CFAP91: variants seen among roughly 807,000 people sequenced by gnomAD.
The protein encoded by CFAP91 is cilia and flagella associated protein 91.
In CFAP91, 85 loss-of-function variants were observed where a neutral mutation model predicts 95.9. The observed-to-expected ratio is 0.89, with a 90% confidence interval of 0.74 to 1.06. The LOEUF is 1.06. Among genes scored for constraint, CFAP91 ranks in the 50% least tolerant of loss-of-function variants. CFAP91 has a pLI of 0.00. For missense variants in CFAP91, 962 were observed against 943.4 expected (o/e 1.02, Z -0.26); for synonymous variants, 335 against 327.5 (o/e 1.02, Z -0.25).
intron 16 of CFAP91, chr3:119,750,120 A>G (rs767585177): frequency 1.3e-5 from 2 of 152,176 alleles, no homozygotes; most frequent in Non-Finnish European, 1.5e-5. Flanking sequence ...GAATTACCCT[A>G]TCTAAACTAC....
chr3:119,733,330 C>G (rs1412428613), intron 9 of CFAP91, 34 bp from the exon 10 acceptor site: 1 of 1,609,792 alleles, frequency 6.2e-7, no homozygotes. Context: ...AACGTAAGCA[C>G]TGGATACTAA....
chr3:119,748,267 C>T (rs568977187), intron 16 of CFAP91, among the ~76,000 whole-genome samples: 5 of 152,238 alleles, frequency 3.3e-5, no homozygotes, highest in African/African-American at 4.8e-5. Flanking sequence ...AGGCAGGACA[C>T]GTGAACCGTG....
chr3:119,708,808 A>G, intron 4 of CFAP91, 134 bp downstream of exon 4: 1 of 572,454 alleles, frequency 1.7e-6, no homozygotes. Context: ...CATGCATATG[A>G]TCTAATCGTT....
chr3:119,753,612 T>C (rs2054368606), intron 17 of CFAP91, among the ~76,000 whole-genome samples: 1 of 152,216 alleles, frequency 6.6e-6, no homozygotes, highest in African/African-American at 2.4e-5. Context: ...AAACAATAGA[T>C]GATAGAAACA....
intron 17 of CFAP91, among the ~76,000 whole-genome samples, chr3:119,755,092 C>T (rs2054400836): frequency 6.6e-6 from 1 of 152,120 alleles, no homozygotes; most frequent in Admixed American, 6.5e-5. Flanking sequence ...TTCACAGGCT[C>T]ATAGCTGGAG....
chr3:119,741,366 G>A (rs1427324542), intron 13 of CFAP91, among the ~76,000 whole-genome samples: 1 of 152,118 alleles, frequency 6.6e-6, no homozygotes, highest in Non-Finnish European at 1.5e-5. Flanking sequence ...AAAAAAGTGA[G>A]AAATAAGATT....
intron 5 of CFAP91, 70 bp downstream of exon 5, chr3:119,709,965 G>T: frequency 8.4e-7 from 1 of 1,196,818 alleles, no homozygotes; most frequent in Non-Finnish European, 1.2e-6. Context: ...TTTCTTAGAA[G>T]ATAGTTCACT....
chr3:119,739,244 T>G lies in CFAP91; in HGVS notation c.1462-11T>G. 1 of 1,613,270 alleles carries G rather than the reference T, an allele frequency of 6.2e-7. No individual in the cohort carries two copies. Among genetic ancestry groups the G allele is most frequent in the East Asian group, 2.2e-5 (1 of 44,874 alleles). On this transcript the variant is annotated splice_polypyrimidine_tract_variant and intron_variant, in intron 11 of 17. Coordinates refer to ENST00000273390, the MANE Select transcript of CFAP91 (RefSeq NM_033364.4). Reference sequence around the variant, plus strand: ...TTCTCAAGCTGCTTGGTTCTCCCTTTGTTCTTTTAGGAAGAAGAAGAAATG... The same window carrying G: ...TTCTCAAGCTGCTTGGTTCTCCCTTGGTTCTTTTAGGAAGAAGAAGAAATG...
intron 5 of CFAP91, 150 bp from the exon 6 acceptor site, chr3:119,715,412 T>C (rs750960944): frequency 1.3e-6 from 1 of 757,500 alleles, no homozygotes; most frequent in Non-Finnish European, 2.3e-6. Context: ...CGCATAATCC[T>C]GGTTATAATG....
intron 17 of CFAP91, among the ~76,000 whole-genome samples, chr3:119,759,730 A>G (rs1396725628): frequency 2.0e-5 from 3 of 151,990 alleles, no homozygotes; most frequent in East Asian, 3.8e-4. Flanking sequence ...GAAATTGAAA[A>G]CACACGTGTT....
intron 7 of CFAP91, 130 bp downstream of exon 7, chr3:119,726,478 G>T (rs1040574708): frequency 2.4e-6 from 2 of 832,324 alleles, no homozygotes; most frequent in Non-Finnish European, 3.6e-6. Context: ...ATAGGAAATT[G>T]GGCATCCGGT....
chr3:119,735,119 G>A (rs1201448719), intron 10 of CFAP91, among the ~76,000 whole-genome samples: 1 of 151,718 alleles, frequency 6.6e-6, no homozygotes, highest in African/African-American at 2.4e-5. Context: ...TTACAATATT[G>A]TTTATTTATG....
intron 5 of CFAP91, among the ~76,000 whole-genome samples, chr3:119,713,655 A>G (rs1046339601): frequency 1.3e-5 from 2 of 152,008 alleles, no homozygotes; most frequent in Non-Finnish European, 2.9e-5. Context: ...AAAAAAGAAG[A>G]TTCAGAAAAG....
chr3:119,754,918 A>G (rs142066088), intron 17 of CFAP91, among the ~76,000 whole-genome samples: 5 of 152,290 alleles, frequency 3.3e-5, no homozygotes, highest in African/African-American at 9.6e-5. Flanking sequence ...GCCAAAGAAG[A>G]CTATACTCAA....
Position 119,715,620 on chromosome 3 carries a change from T to C in CFAP91, c.559T>C (p.Ser187Pro). ...TAAGCACCTATCCATCCCTTCAAAG[T>C]CTACTGTGGGCACTCAGACTGATTA... ...STKHLSIPSK[S>P]TVGTQTDYRD... The change falls in exon 6 of 18, where the codon TCT becomes CCT. Residue 187 changes from serine to proline, a missense_variant. Ser to Pro is a moderately conservative substitution (Grantham distance 74, BLOSUM62 -1). Transcript: ENST00000273390. The C allele has an allele frequency of 6.2e-7, 1 of 1,613,926 alleles. No homozygotes were observed. The highest frequency in any genetic ancestry group is 8.5e-7 in the Non-Finnish European group (1 of 1,179,804).
chr3:119,754,867 T>C (rs545305007), intron 17 of CFAP91, among the ~76,000 whole-genome samples: 2 of 152,304 alleles, frequency 1.3e-5, no homozygotes, highest in South Asian at 2.1e-4. Flanking sequence ...GCCATGGGAA[T>C]GATGTTGCCA....
chr3:119,741,519 C>A (rs1314655009), intron 13 of CFAP91, among the ~76,000 whole-genome samples: 1 of 152,204 alleles, frequency 6.6e-6, no homozygotes, highest in Non-Finnish European at 1.5e-5. Flanking sequence ...CCTGACACAG[C>A]TAAGAATTAC....
rs1478930838 is a variant in CFAP91, at chr3:119,707,455, A to G, written c.253A>G (p.Arg85Gly). The change falls in exon 3 of 18, where the codon AGA becomes GGA. Residue 85 changes from arginine to glycine, a missense_variant. Transcript: ENST00000273390. ...GTTCAGTAACCTGATCCATTATCCAAGATATTCTCTATATTGGAGCAAGTC... is the reference window on the plus strand; with the variant it reads ...GTTCAGTAACCTGATCCATTATCCAGGATATTCTCTATATTGGAGCAAGTC... The part of the protein sequence containing the change: ...TMFSNLIHYP[R>G]YSLYWSKSDP... The G allele has an allele frequency of 2.5e-6, 4 of 1,591,168 alleles. No homozygotes were observed. The highest frequency in any genetic ancestry group is 3.4e-6 in the Non-Finnish European group (4 of 1,164,506).
intron 6 of CFAP91, among the ~76,000 whole-genome samples, chr3:119,718,050 G>T (rs896311253): frequency 1.3e-5 from 2 of 152,150 alleles, no homozygotes; most frequent in African/African-American, 2.4e-5. Context: ...ATTGACCAGG[G>T]TGCTTATGAG....
Sources: allele counts gnomAD v4.1 joint callset (sites outside exome capture counted in the v4.1 genomes callset), GRCh38; gene constraint gnomAD v4.1.1; transcripts MANE v1.5; gene names NCBI Gene and HGNC (gene_info 2026-07-23, HGNC 2026-07-21).